The following VSTM1 variants were observed in gnomAD, a reference collection of about 807,000 sequenced individuals.
VSTM1 encodes V-set and transmembrane domain containing 1, also known as V-set and transmembrane domain-containing protein 1.
In VSTM1, 27 loss-of-function variants were observed where a neutral mutation model predicts 33.1. The observed-to-expected ratio is 0.82, with a 90% CI of 0.60 to 1.12. The LOEUF is 1.12. VSTM1 is among the 50% of genes most tolerant of loss of function. The pLI, the probability that VSTM1 is intolerant of heterozygous loss-of-function variation, is 0.00. For missense variants in VSTM1, 304 were observed against 288.9 expected, an observed-to-expected ratio of 1.05 and a Z score of -0.38; for synonymous variants, 115 against 110.3, an observed-to-expected ratio of 1.04 and a Z score of -0.27.
chr19:54,059,910 C>T (rs1360342976), intron 1 of VSTM1, among the ~76,000 whole-genome samples: 3 of 150,892 alleles, frequency 2.0e-5, no homozygotes, highest in African/African-American at 4.9e-5. Flanking sequence ...TGCAGTGGCG[C>T]GATCTCGGCT....
chr19:54,042,174 G>A lies in VSTM1; in HGVS notation c.510C>T (p.Thr170=). 6.2e-7 allele frequency: 1 copy of A among 1,613,968 alleles called. No homozygotes were observed. The highest frequency in any genetic ancestry group is 1.3e-5 in the African/African-American group (1 of 74,978). Residue 170 remains threonine (T), a synonymous_variant, in exon 6 of 9, where the codon ACC becomes ACT. Transcript: ENST00000338372. ...GAGCTATGCCAAGCATCTACCTCTT[G>A]GTGGATTCCTCAGATGATGAACCTA... ...SQHSSSSEES[T]KRTSHSKLPE... is the part of the protein sequence containing the mutation.
In VSTM1 at chr19:54,058,386, C is replaced by T. The variant is rs1356588447; in HGVS notation, c.275G>A (p.Gly92Glu). 6.8e-6 allele frequency: 11 copies of T among 1,613,954 alleles called. No individual in the cohort carries two copies. The highest frequency in any genetic ancestry group is 9.3e-6 in the Non-Finnish European group (11 of 1,180,002). Residue 92 changes from glycine (G) to glutamate (E), a missense_variant, in exon 3 of 9, where the codon GGG becomes GAG. Transcript: ENST00000338372. ...TGTCTTGTAGGCACAAAAGTACCTC[C>T]CAGCATCCTTAGGCTTCAGGTCCGT... Reference protein sequence around the residue: ...PFTDLKPKDAGRYFCAYKTTA... With the variant: ...PFTDLKPKDAERYFCAYKTTA...
At chr19:54,050,721 T>C (rs1037513762) in intron 4 of VSTM1, among the ~76,000 whole-genome samples, 1 of 152,112 alleles carries the variant, frequency 6.6e-6, no homozygotes, top group Non-Finnish European at 1.5e-5. Context: ...GGCTCATGCC[T>C]GTAATCCCAA....
intron 4 of VSTM1, among the ~76,000 whole-genome samples, chr19:54,043,108 T>C (rs1380816314): frequency 1.3e-5 from 2 of 151,816 alleles, no homozygotes; most frequent in South Asian, 2.1e-4. Flanking sequence ...TCTCCCACCT[T>C]GGAGCTGGAA....
At chr19:54,058,651 G>A (rs1376822835) in intron 2 of VSTM1, 46 bp downstream of exon 2, 16 of 1,613,710 alleles carry the variant, frequency 9.9e-6, no homozygotes, top group Admixed American at 1.7e-5. Flanking sequence ...AAAAGGTCAT[G>A]AAGCGTGGGA....
chr19:54,060,265 C>T (rs2071331309), intron 1 of VSTM1, among the ~76,000 whole-genome samples: 1 of 152,126 alleles, frequency 6.6e-6, no homozygotes, highest in Non-Finnish European at 1.5e-5. Flanking sequence ...TTACATTATC[C>T]CCTCCCTCTT....
chr19:54,058,415 G>A lies in VSTM1; in HGVS notation c.246C>T (p.Pro82=), dbSNP rs1453176816. The change falls in exon 3 of 9, where the codon CCC becomes CCT. Residue 82 remains proline, a synonymous_variant. Coordinates refer to ENST00000338372, the MANE Select transcript of VSTM1 (RefSeq NM_198481.4). ...QSSAENEAEF[P]FTDLKPKDAG... is the part of the protein sequence containing the mutation. Reference sequence around the variant, plus strand: ...CATCCTTAGGCTTCAGGTCCGTGAAGGGGAATTCAGCTTCGTTTTCTGCCG... The same window carrying A: ...CATCCTTAGGCTTCAGGTCCGTGAAAGGGAATTCAGCTTCGTTTTCTGCCG... 7.4e-6 allele frequency: 12 copies of A among 1,614,002 alleles called. No homozygotes were observed. The highest frequency in any genetic ancestry group is 7.6e-6 in the Non-Finnish European group (9 of 1,180,052).
chr19:54,059,856 T>C (rs78181149), intron 1 of VSTM1, among the ~76,000 whole-genome samples: 1 of 146,532 alleles, frequency 6.8e-6, no homozygotes, highest in Non-Finnish European at 1.5e-5. Context: ...TTTTTTTTTT[T>C]TTATTTTTCG....
intron 8 of VSTM1, 139 bp downstream of exon 8, chr19:54,041,640 A>G: frequency 1.0e-6 from 1 of 965,650 alleles, no homozygotes. Context: ...GGTTCCCATT[A>G]GGGGAGTTTC....
intron 4 of VSTM1, among the ~76,000 whole-genome samples, chr19:54,044,514 C>T (rs868817532): frequency 1.5e-4 from 23 of 152,028 alleles, no homozygotes; most frequent in Admixed American, 8.5e-4. Flanking sequence ...GAGCCGAGAT[C>T]GCATCACTGC....
chr19:54,045,986 C>T (rs1221199596), intron 4 of VSTM1, among the ~76,000 whole-genome samples: 1 of 152,036 alleles, frequency 6.6e-6, no homozygotes, highest in Non-Finnish European at 1.5e-5. Flanking sequence ...ACTTACCTAT[C>T]GTCTATTTAT....
chr19:54,044,795 G>A (rs2070489010), intron 4 of VSTM1, among the ~76,000 whole-genome samples: 1 of 152,188 alleles, frequency 6.6e-6, no homozygotes, highest in African/African-American at 2.4e-5. Context: ...TCACAGCGTT[G>A]AGGAAGAGAG....
In VSTM1 at chr19:54,058,326, T is replaced by C. The variant is rs1322016841; in HGVS notation, c.335A>G (p.His112Arg). 1.2e-6 allele frequency: 2 copies of C among 1,613,416 alleles called. No individual in the cohort carries two copies. The highest frequency in any genetic ancestry group is 2.7e-5 in the African/African-American group (2 of 74,750). Reference protein sequence around the residue: ...ASHEWSESSEHLQLVVTDKHD... With the variant: ...ASHEWSESSERLQLVVTDKHD... ...CTCACCTGTGACCACCAGCTGCAAGTGTTCACTGCTTTCTGACCACTCATG... is the reference window on the plus strand; with the variant it reads ...CTCACCTGTGACCACCAGCTGCAAGCGTTCACTGCTTTCTGACCACTCATG... Residue 112 changes from histidine (H) to arginine (R), a missense_variant, in exon 3 of 9, where the codon CAC becomes CGC. His to Arg is a conservative substitution (Grantham distance 29). Transcript: ENST00000338372.
At chr19:54,052,256 A>G (rs370362660) in intron 3 of VSTM1, among the ~76,000 whole-genome samples, 95 of 150,024 alleles carry the variant, frequency 6.3e-4, no homozygotes, top group African/African-American at 2.2e-3. Flanking sequence ...AAGTTAGCCG[A>G]GCGTGGTGGC....
chr19:54,063,560 GCCT>G (rs1164684547), intron 1 of VSTM1, among the ~76,000 whole-genome samples, 181 bp downstream of exon 1: 2 of 152,092 alleles, frequency 1.3e-5, no homozygotes, highest in Non-Finnish European at 2.9e-5. Context: ...CTGCAGCGCG[GCCT>G]CCTCCTCGCT....
In VSTM1 at chr19:54,063,781, G is replaced by A. The variant is rs768719358; in HGVS notation, c.-4C>T. ...GGGAGAGGAATTCTGCGGTCATAGC[G>A]TCCCTTCTGCCAGAACCAAGGCCCC... On this transcript the variant is annotated 5_prime_UTR_variant, in exon 1 of 9. In the 5' UTR this introduces an upstream ATG that the reference lacks. Transcript: ENST00000338372. 3.7e-6 allele frequency: 6 copies of A among 1,613,590 alleles called. No individual in the cohort carries two copies. In the South Asian group the frequency reaches 5.5e-5, roughly 15 times the overall value.
Position 54,040,865 on chromosome 19 carries a change from C to A in VSTM1, c.*96G>T. 2.7e-6 allele frequency: 4 copies of A among 1,478,850 alleles called. No individual in the cohort carries two copies. Among genetic ancestry groups the A allele is most frequent in the Non-Finnish European group, 3.6e-6 (4 of 1,106,588 alleles). 91.6% of individuals were successfully genotyped at this position (1,478,850 alleles called of 1,614,324 possible). On this transcript the variant is annotated 3_prime_UTR_variant, in exon 9 of 9. Transcript: ENST00000338372. ...AGAAACTTAATTTTATTGATATGGACGAAGAGCAAGGAAACACAGTATCTG... is the reference window on the plus strand; with the variant it reads ...AGAAACTTAATTTTATTGATATGGAAGAAGAGCAAGGAAACACAGTATCTG...
At chr19:54,047,571 T>G (rs2070658128) in intron 4 of VSTM1, among the ~76,000 whole-genome samples, 1 of 152,052 alleles carries the variant, frequency 6.6e-6, no homozygotes, top group South Asian at 2.1e-4. Flanking sequence ...TGGGATTACA[T>G]AAGCCACCAT....
At chr19:54,051,249 G>A (rs765755631) in intron 4 of VSTM1, among the ~76,000 whole-genome samples, 161 bp downstream of exon 4, 13 of 152,152 alleles carry the variant, frequency 8.5e-5, no homozygotes, top group Admixed American at 5.2e-4. Flanking sequence ...CTGAGATTGC[G>A]CCACTGTACT....
Sources: gnomAD v4.1 joint callset for allele counts (sites outside exome capture counted in the v4.1 genomes callset) on GRCh38, gnomAD v4.1.1 for gene constraint, MANE v1.5 for transcripts, NCBI Gene and HGNC (gene_info 2026-07-23, HGNC 2026-07-21) for gene names.